SLC6A14: variants seen among roughly 807,000 people sequenced by gnomAD.
SLC6A14 encodes sodium- and chloride-dependent neutral and basic amino acid transporter B(0+).
SLC6A14 carries 21 observed loss-of-function variants against 51.4 expected under a neutral mutation model. That is an observed-to-expected ratio of 0.41 (90% CI 0.29 to 0.59). The LOEUF (loss-of-function observed/expected upper bound fraction) is 0.59. Ranked by LOEUF, SLC6A14 falls within the 20% of genes least tolerant of loss-of-function variation. SLC6A14 has a pLI of 0.31. For synonymous variants in SLC6A14, 177 were observed against 160.7 expected (o/e 1.10, Z -0.77); for missense variants, 371 against 472.8 (o/e 0.78, Z 2.00).
chrX:116,454,328 G>A lies in SLC6A14; in HGVS notation c.1290G>A (p.Thr430=), dbSNP rs190940548. The A allele has an allele frequency of 5.1e-5, 60 of 1,169,955 alleles. No individual in the cohort carries two copies. The East Asian group carries it at 1.7e-3, about 33-fold the overall frequency. ...GLDSQFASIE[T]ITTTIQDLFP... ...GTCATTTCTCCCCCTCTGAAGAAAC[G>A]ATCACAACAACAATTCAAGATTTAT... The change falls in exon 10 of 14, where the codon ACG becomes ACA. Residue 430 remains threonine, a synonymous_variant. Transcript: ENST00000598581.
chrX:116,454,635 C>T (rs1299707520), intron 10 of SLC6A14, among the ~76,000 whole-genome samples, 193 bp downstream of exon 10: 7 of 110,545 alleles, frequency 6.3e-5, no homozygotes, highest in Admixed American at 1.9e-4. Flanking sequence ...ATGAGGAGGC[C>T]GAATAATGGA....
chrX:116,456,411 T>C (rs1255911385), intron 12 of SLC6A14, among the ~76,000 whole-genome samples: 1 of 110,776 alleles, frequency 9.0e-6, no homozygotes, highest in Non-Finnish European at 1.9e-5. Context: ...AATTAAAATA[T>C]TTGGATATTC....
At chrX:116,438,921 C>G (rs1427008042) in intron 2 of SLC6A14, among the ~76,000 whole-genome samples, 7 of 111,715 alleles carry the variant, frequency 6.3e-5, no homozygotes, top group African/African-American at 2.3e-4. Flanking sequence ...AAGAAAGAAG[C>G]TCTGTTTATT....
intron 2 of SLC6A14, among the ~76,000 whole-genome samples, chrX:116,439,691 G>A (rs1441020919): frequency 9.0e-6 from 1 of 110,788 alleles, no homozygotes; most frequent in Non-Finnish European, 1.9e-5. Context: ...TTCACACTCG[G>A]CTGGTAAAGC....
chrX:116,458,040 G>A (rs1218301347), intron 13 of SLC6A14, among the ~76,000 whole-genome samples: 1 of 111,499 alleles, frequency 9.0e-6, no homozygotes, highest in African/African-American at 3.3e-5. Flanking sequence ...TGTACCTCTG[G>A]CCTTGCTACG....
Position 116,455,048 on chromosome X carries a change from G to A in SLC6A14, c.1476G>A (p.Leu492=). ...AGWGILIAAI[L]ELVGIIWIYG... The stretch of plus-strand genomic sequence containing the variant: ...GGGGCATTTTAATTGCAGCTATACT[G>A]GAGCTAGTTGGAATCATCTGGATTT... Residue 492 remains leucine, a synonymous_variant, in exon 11 of 14, where the codon CTG becomes CTA. Transcript: ENST00000598581. 8.4e-7 allele frequency: 1 copy of A among 1,188,973 alleles called. No individual in the cohort carries two copies. The highest frequency in any genetic ancestry group is 1.1e-6 in the Non-Finnish European group (1 of 877,180).
chrX:116,454,226 C>T (rs372165214), intron 9 of SLC6A14, 98 bp from the exon 10 acceptor site: 3 of 540,923 alleles, frequency 5.5e-6, no homozygotes, highest in East Asian at 6.9e-5. Flanking sequence ...CTATTTTCAA[C>T]ATATATTTGT....
At position 116,453,158 on chromosome X, in the gene SLC6A14, A is replaced by G; in HGVS notation, c.1285+16A>G. On this transcript the variant is annotated intron_variant, in intron 9 of 13. Transcript: ENST00000598581. ...GCTTCGATTGGTAAGTAATACTTCCAGTGGTAACATATTCCTCTTATATTT... is the reference window on the plus strand; with the variant it reads ...GCTTCGATTGGTAAGTAATACTTCCGGTGGTAACATATTCCTCTTATATTT... 8.5e-7 allele frequency: 1 copy of G among 1,177,129 alleles called. No individual in the cohort carries two copies. Among genetic ancestry groups the G allele is most frequent in the Non-Finnish European group, 1.1e-6 (1 of 875,454 alleles).
chrX:116,457,085 G>A (rs782373062), intron 12 of SLC6A14, among the ~76,000 whole-genome samples: 1 of 111,669 alleles, frequency 9.0e-6, no homozygotes, highest in Non-Finnish European at 1.9e-5. Context: ...AAATGCATGT[G>A]TGTTTTTGAT....
chrX:116,441,953 G>T (rs1927606277), intron 3 of SLC6A14, among the ~76,000 whole-genome samples: 1 of 112,030 alleles, frequency 8.9e-6, no homozygotes, highest in Admixed American at 9.5e-5. Flanking sequence ...ATTTATAGAT[G>T]AATATTGTAT....
At chrX:116,446,527 G>A (rs782310332) in intron 6 of SLC6A14, among the ~76,000 whole-genome samples, 2 of 110,833 alleles carry the variant, frequency 1.8e-5, no homozygotes, top group Admixed American at 9.6e-5. Flanking sequence ...TGGGAAATGT[G>A]GATTAACACA....
chrX:116,454,944 T>C, intron 10 of SLC6A14, 33 bp from the exon 11 acceptor site: 1 of 986,003 alleles, frequency 1.0e-6, no homozygotes, highest in African/African-American at 1.9e-5. Flanking sequence ...ACAATTAAAA[T>C]ATACTTAGAA....
At chrX:116,441,694 T>C (rs1226578235) in intron 3 of SLC6A14, among the ~76,000 whole-genome samples, 1 of 112,068 alleles carries the variant, frequency 8.9e-6, no homozygotes, top group Non-Finnish European at 1.9e-5. Context: ...AATAAATTCA[T>C]AGTGAGGTGA....
Position 116,446,847 on chromosome X carries a change from C to A in SLC6A14, c.896C>A (p.Ala299Asp). The A allele has an allele frequency of 8.3e-7, 1 of 1,207,681 alleles. No homozygotes were observed. The highest frequency in any genetic ancestry group is 1.1e-6 in the Non-Finnish European group (1 of 892,757). ...ASKGISYYIG[A>D]QSNFTKLKEA... Reference sequence around the variant, plus strand: ...AAAGGCATTTCATACTATATTGGAGCCCAGTCAAATTTTACAAAACTTAAG... The same window carrying A: ...AAAGGCATTTCATACTATATTGGAGACCAGTCAAATTTTACAAAACTTAAG... Residue 299 changes from alanine (A) to aspartate (D), a missense_variant, in exon 7 of 14, where the codon GCC becomes GAC. Physicochemically the swap from Ala to Asp is moderately radical, Grantham distance 126. Transcript: ENST00000598581.
chrX:116,442,750 C>T lies in SLC6A14; in HGVS notation c.410C>T (p.Ala137Val). The T allele has an allele frequency of 8.5e-7, 1 of 1,181,420 alleles. No homozygotes were observed. The highest frequency in any genetic ancestry group is 3.0e-5 in the East Asian group (1 of 32,968). ...FVTIYYNVIIAYSLYYMFASF... is the reference protein window; with the variant it reads ...FVTIYYNVIIVYSLYYMFASF... ...ACAATCTATTACAATGTCATAATTG[C>T]CTATAGTCTTTACTACATGTTTGCT... The change falls in exon 4 of 14, where the codon GCC becomes GTC. Residue 137 changes from alanine to valine, a missense_variant. Coordinates refer to ENST00000598581, the MANE Select transcript of SLC6A14 (RefSeq NM_007231.5).
rs1219053553 is a variant in SLC6A14, at chrX:116,459,742, GTGT to G, written c.*792_*794del. 8.9e-6 allele frequency: 1 copy of G among 111,913 alleles called. No individual in the cohort carries two copies. The highest frequency in any genetic ancestry group is 1.9e-5 in the Non-Finnish European group (1 of 53,064). 9.2% of individuals were successfully genotyped at this position (111,913 alleles called of 1,213,427 possible). A position where few individuals can be genotyped will look rare whatever the true frequency, so the allele number is the denominator to read the frequency against. ...TTTCTATTGTGTTTCACAAAATTAAGTGTTGTTCATTATACTCTCTGAAATATA... is the reference window on the plus strand; with the variant it reads ...TTTCTATTGTGTTTCACAAAATTAAGTGTTCATTATACTCTCTGAAATATA... On this transcript the variant is annotated 3_prime_UTR_variant, in exon 14 of 14. Transcript: ENST00000598581.
chrX:116,451,322 T>C, intron 7 of SLC6A14, 120 bp from the exon 8 acceptor site: 1 of 492,401 alleles, frequency 2.0e-6, no homozygotes, highest in South Asian at 3.8e-5. Context: ...AGCTGAGTAG[T>C]GGGCATTTGG....
Position 116,455,383 on chromosome X carries a change from G to A in SLC6A14, c.1531G>A (p.Glu511Lys). The A allele has an allele frequency of 8.3e-7, 1 of 1,206,522 alleles. No homozygotes were observed. The highest frequency in any genetic ancestry group is 1.1e-6 in the Non-Finnish European group (1 of 891,760). The change falls in exon 12 of 14, where the codon GAA becomes AAA. Residue 511 changes from glutamate to lysine, a missense_variant. This residue lies in a region of SLC6A14 where 277 missense variants were observed against 391.8 expected (regional missense o/e 0.71). Transcript: ENST00000598581. ...YGGNRFIEDT[E>K]MMIGAKRWIF... The stretch of plus-strand genomic sequence containing the variant: ...AGGGAACAGATTCATTGAGGATACA[G>A]AAATGATGATTGGAGCAAAGAGGTG...
intron 6 of SLC6A14, among the ~76,000 whole-genome samples, chrX:116,445,448 C>T (rs1211598177): frequency 1.2e-5 from 1 of 82,073 alleles, no homozygotes; most frequent in Admixed American, 1.5e-4. Flanking sequence ...TATCAGGAAT[C>T]CCCTAGTCGG....
Sources: allele counts gnomAD v4.1 joint callset (sites outside exome capture counted in the v4.1 genomes callset), GRCh38; gene constraint gnomAD v4.1.1; regional missense constraint gnomAD v4.1.1; transcripts MANE v1.5; gene names NCBI Gene and HGNC (gene_info 2026-07-23, HGNC 2026-07-21).